The following EPHB2 variants were observed in gnomAD, a reference collection of about 807,000 sequenced individuals.
EPHB2 encodes ephrin type-B receptor 2.
Under a neutral mutation model 96.4 loss-of-function variants are expected in EPHB2, and 18 were observed. The observed-to-expected ratio is 0.19, with a 90% CI of 0.13 to 0.28. The LOEUF (loss-of-function observed/expected upper bound fraction) is 0.28. Ranked by LOEUF, EPHB2 falls within the 10% of genes least tolerant of loss-of-function variation. The pLI is 1.00. For synonymous variants in EPHB2, 506 were observed against 534.1 expected (o/e 0.95, Z 0.72); for missense variants, 989 against 1,355.4 (o/e 0.73, Z 4.25).
chr1:22,882,111 C>T (rs1362051306), intron 5 of EPHB2, among the ~76,000 whole-genome samples: 1 of 152,180 alleles, frequency 6.6e-6, no homozygotes, highest in Non-Finnish European at 1.5e-5. Context: ...CTGAGCTTCC[C>T]CAGGGCTGGT....
chr1:22,867,635 G>T (rs186372920), intron 5 of EPHB2, among the ~76,000 whole-genome samples: 46 of 152,312 alleles, frequency 3.0e-4, no homozygotes, highest in Non-Finnish European at 5.6e-4. Flanking sequence ...ACTTTGGGAG[G>T]CCAAGGTGGG....
At chr1:22,720,095 C>G (rs1201982001) in intron 1 of EPHB2, among the ~76,000 whole-genome samples, 1 of 152,184 alleles carries the variant, frequency 6.6e-6, no homozygotes, top group Non-Finnish European at 1.5e-5. Flanking sequence ...TCGCTATCTC[C>G]CATCCTTTGC....
intron 6 of EPHB2, 51 bp downstream of exon 6, chr1:22,882,534 T>C: frequency 1.9e-6 from 3 of 1,609,168 alleles, no homozygotes; most frequent in Non-Finnish European, 2.5e-6. Context: ...TGAGGGCCCC[T>C]CTCCCAGGCT....
In EPHB2 at chr1:22,865,145, C is replaced by T. The variant is rs139840326; in HGVS notation, c.1236C>T (p.Asn412=). ...ACACCTTCGAGATCCAGGCTGTGAA[C>T]GGCGTTACTGACCAGAGCCCCTTCT... The part of the protein sequence containing the change: ...TQYTFEIQAV[N]GVTDQSPFSP... The change falls in exon 5 of 16, where the codon AAC becomes AAT. Residue 412 remains asparagine (N), a synonymous_variant. Transcript: ENST00000374630. The T allele has an allele frequency of 5.9e-5, 95 of 1,614,226 alleles. No homozygotes were observed. In the African/African-American group the frequency reaches 6.9e-4, roughly 12 times the overall value.
Position 22,915,875 on chromosome 1 carries a change from G to C in EPHB2, c.*2305G>C, listed in dbSNP as rs766178725. 6.6e-6 allele frequency: 1 copy of C among 152,436 alleles called. No homozygotes were observed. Among genetic ancestry groups the C allele is most frequent in the East Asian group, 1.9e-4 (1 of 5,204 alleles). The allele number at this position is 152,436 out of a possible 1,614,324, so 9.4% of individuals were successfully genotyped here. On this transcript the variant is annotated 3_prime_UTR_variant, in exon 16 of 16. Transcript: ENST00000374630. ...TCGGGACCTTTCCCAGATCCGAGGA[G>C]ATGGCCAGTGAGAAAGATTCGGGCC...
chr1:22,756,316 C>T (rs1353979083), intron 1 of EPHB2, among the ~76,000 whole-genome samples: 3 of 151,650 alleles, frequency 2.0e-5, no homozygotes, highest in Non-Finnish European at 4.4e-5. Flanking sequence ...CGGAAGGGTC[C>T]GGAGGGGAGG....
intron 1 of EPHB2, 74 bp from the exon 2 acceptor site, chr1:22,781,347 G>C: frequency 2.2e-6 from 3 of 1,361,322 alleles, no homozygotes; most frequent in South Asian, 2.4e-5. Context: ...GAAGAAGAAG[G>C]ATGAGGGCCC....
At chr1:22,853,778 G>A (rs1385553526) in intron 3 of EPHB2, among the ~76,000 whole-genome samples, 4 of 152,240 alleles carry the variant, frequency 2.6e-5, no homozygotes, top group East Asian at 1.9e-4. Context: ...CAGGTGGACC[G>A]TGGAAGGGGA....
intron 3 of EPHB2, among the ~76,000 whole-genome samples, chr1:22,840,368 G>A (rs1645448415): frequency 6.6e-6 from 1 of 152,348 alleles, no homozygotes; most frequent in East Asian, 1.9e-4. Context: ...GATTAAAAGA[G>A]GAGGAAGTCT....
intron 3 of EPHB2, among the ~76,000 whole-genome samples, chr1:22,811,139 G>A (rs537380793): frequency 7.9e-5 from 12 of 152,212 alleles, no homozygotes; most frequent in African/African-American, 2.2e-4. Flanking sequence ...TGAATGATCC[G>A]TAGCCCATGT....
intron 14 of EPHB2, among the ~76,000 whole-genome samples, chr1:22,912,043 C>T (rs1206015618): frequency 1.3e-5 from 2 of 152,126 alleles, no homozygotes; most frequent in Non-Finnish European, 2.9e-5. Flanking sequence ...TGGAGAATGG[C>T]ACTGGGAGAG....
intron 1 of EPHB2, among the ~76,000 whole-genome samples, chr1:22,751,161 C>T (rs933500600): frequency 2.6e-5 from 4 of 151,912 alleles, no homozygotes; most frequent in African/African-American, 9.7e-5. Context: ...TCAGTCCAAG[C>T]CCTTCATTTG....
At chr1:22,851,683 A>C (rs1176306862) in intron 3 of EPHB2, among the ~76,000 whole-genome samples, 1 of 152,120 alleles carries the variant, frequency 6.6e-6, no homozygotes, top group Admixed American at 6.5e-5. Flanking sequence ...AATGTCTGAG[A>C]CCCTGCCTTA....
chr1:22,824,252 T>G (rs1342875844), intron 3 of EPHB2, among the ~76,000 whole-genome samples: 3 of 145,716 alleles, frequency 2.1e-5, no homozygotes, highest in Non-Finnish European at 4.5e-5. Flanking sequence ...AAGGTCTAAC[T>G]GATGGATGGG....
At chr1:22,881,060 G>A (rs1639027792) in intron 5 of EPHB2, among the ~76,000 whole-genome samples, 1 of 152,084 alleles carries the variant, frequency 6.6e-6, no homozygotes, top group Middle Eastern at 3.4e-3. Flanking sequence ...GATCACTTAA[G>A]CCCAGGAGTT....
chr1:22,767,194 G>C (rs762386594), intron 1 of EPHB2, among the ~76,000 whole-genome samples: 18 of 152,220 alleles, frequency 1.2e-4, no homozygotes, highest in Admixed American at 5.2e-4. Flanking sequence ...GACTAGGAAA[G>C]GGCATCAGAC....
Position 22,821,866 on chromosome 1 carries a change from A to T in EPHB2, c.811+36790A>T, listed in dbSNP as rs375952645. Among the ~76,000 whole-genome samples, 13 of 152,288 alleles carry T rather than the reference A, an allele frequency of 8.5e-5. No homozygotes were observed. In the East Asian group the frequency reaches 2.5e-3, roughly 29 times the overall value. On this transcript the variant is annotated intron_variant, in intron 3 of 15. Transcript: ENST00000374630. ...TCAGTTTACGAGATACTCTGAAGCT[A>T]GGGGTGGTTTTTGCTTAGTGAATGT...
intron 3 of EPHB2, among the ~76,000 whole-genome samples, chr1:22,792,067 C>T (rs755380445): frequency 6.6e-6 from 1 of 152,140 alleles, no homozygotes; most frequent in African/African-American, 2.4e-5. Flanking sequence ...GCTTCCCAGC[C>T]AAGGGAGGGA....
rs1265310750 is a variant in EPHB2, at chr1:22,910,399, G to T, written c.2520G>T (p.Glu840Asp). ...MTNQDVINAI[E>D]QDYRLPPPMD... ...TGTCCCAGGTAATCAATGCCATTGA[G>T]CAGGACTATCGGCTGCCACCGCCCA... Residue 840 changes from glutamate to aspartate, a missense_variant, in exon 14 of 16, where the codon GAG (glutamate) becomes GAT (aspartate). By Grantham distance (45) the Glu-to-Asp change is conservative (BLOSUM62 2). Coordinates refer to ENST00000374630, the MANE Select transcript of EPHB2 (RefSeq NM_017449.5). 6.2e-7 allele frequency: 1 copy of T among 1,614,176 alleles called. No homozygotes were observed. Among genetic ancestry groups the T allele is most frequent in the African/African-American group, 1.3e-5 (1 of 75,038 alleles).
Sources: allele counts gnomAD v4.1 joint callset (sites outside exome capture counted in the v4.1 genomes callset), GRCh38; gene constraint gnomAD v4.1.1; transcripts MANE v1.5; gene names NCBI Gene and HGNC (gene_info 2026-07-23, HGNC 2026-07-21).